The following TMEM269 variants were observed in gnomAD, a reference collection of about 807,000 sequenced individuals.
TMEM269 encodes the protein transmembrane protein 269.
Under a neutral mutation model 15.8 loss-of-function variants are expected in TMEM269, and 12 were observed. That is an observed-to-expected ratio of 0.76 (90% CI 0.49 to 1.23). The LOEUF is 1.23. Among genes scored for constraint, TMEM269 ranks in the 50% most tolerant of loss-of-function variants. TMEM269 has a pLI of 0.00. For missense variants in TMEM269, 211 were observed against 245.4 expected, an observed-to-expected ratio of 0.86 and a Z score of 0.94; for synonymous variants, 93 against 99.3, an observed-to-expected ratio of 0.94 and a Z score of 0.38.
At position 42,797,018 on chromosome 1, in the gene TMEM269, T is replaced by A. The variant is rs182560469; in HGVS notation, c.485-1080T>A. On this transcript the variant is annotated intron_variant, in intron 5 of 5. Transcript: ENST00000637012. The surrounding 1 kb of genome is among the most constrained non-coding windows in gnomAD (Gnocchi z 4.9). Reference sequence around the variant, plus strand: ...ACCTCGTACAGGTTACTTCTGTTTCTTCTTATGAAAAACAGACTTAGTTCT... The same window carrying A: ...ACCTCGTACAGGTTACTTCTGTTTCATCTTATGAAAAACAGACTTAGTTCT... Among the ~76,000 whole-genome samples the A allele has an allele frequency of 3.2e-4, 49 of 152,234 alleles. No homozygotes were observed. The highest frequency in any genetic ancestry group is 1.2e-3 in the African/African-American group (48 of 41,544).
intron 1 of TMEM269, chr1:42,789,341 G>T: frequency 9.1e-7 from 1 of 1,096,744 alleles, no homozygotes; most frequent in Non-Finnish European, 1.3e-6. Context: ...TGCTTCAGAA[G>T]GAGTGAACTT....
chr1:42,798,013 G>T (rs1653817580), intron 5 of TMEM269, 85 bp from the exon 6 acceptor site: 1 of 1,454,310 alleles, frequency 6.9e-7, no homozygotes. Context: ...TAAAGAATGG[G>T]AGGGTGGGGA....
chr1:42,795,075 G>C (rs1033135442), intron 5 of TMEM269, among the ~76,000 whole-genome samples: 32 of 152,308 alleles, frequency 2.1e-4, no homozygotes, highest in African/African-American at 7.5e-4. Flanking sequence ...TGTAAGTGCA[G>C]GGTGCTCTGA....
At chr1:42,789,207 G>A (rs1305316694) in intron 1 of TMEM269, 4 of 553,284 alleles carry the variant, frequency 7.2e-6, no homozygotes, top group Middle Eastern at 4.8e-4. Context: ...ACAGGCATGA[G>A]CCACCGTGTC....
At chr1:42,795,519 A>T (rs893337651) in intron 5 of TMEM269, among the ~76,000 whole-genome samples, 2 of 152,206 alleles carry the variant, frequency 1.3e-5, no homozygotes, top group African/African-American at 4.8e-5. Context: ...ATGAGAGGTG[A>T]TGGTGGCAGT....
rs1044488827 is a variant in TMEM269 at position 42,798,580 on chromosome 1, T to C, written c.*355T>C. 1.7e-5 allele frequency: 4 copies of C among 242,328 alleles called. No individual in the cohort carries two copies. The highest frequency in any genetic ancestry group is 4.8e-5 in the Admixed American group (1 of 20,780). The allele number at this position is 242,328 out of a possible 1,614,324, so 15.0% of individuals were successfully genotyped here. On this transcript the variant is annotated 3_prime_UTR_variant, in exon 6 of 6. Coordinates refer to ENST00000637012, the MANE Select transcript of TMEM269 (RefSeq NM_001354602.2). The stretch of plus-strand genomic sequence containing the variant: ...GGAAAGGAGTGAGAGCCTTCAGAAC[T>C]GGTATTGGCCTCAGCCTCAGCCCTG...
In TMEM269 at chr1:42,797,785, A is replaced by G. The variant is rs760919115; in HGVS notation, c.485-313A>G. 9.5e-5 allele frequency: 50 copies of G among 524,528 alleles called. No individual in the cohort carries two copies. The highest frequency in any genetic ancestry group is 9.2e-4 in the African/African-American group (48 of 52,120). 32.5% of individuals were successfully genotyped at this position (524,528 alleles called of 1,614,324 possible). ...TGAGGAAGATTTTTTTTTCCTAACA[A>G]GGGTTTTTGGTTTTTGTCTTGGTTT... On this transcript the variant is annotated intron_variant, in intron 5 of 5. Coordinates refer to ENST00000637012, the MANE Select transcript of TMEM269 (RefSeq NM_001354602.2). The surrounding 1 kb of genome is among the most constrained non-coding windows in gnomAD (Gnocchi z 4.9).
At position 42,785,093 on chromosome 1, in the gene TMEM269, G is replaced by A. The variant is rs1456019408; in HGVS notation, c.-99+11G>A. 6 of 152,344 alleles carry A rather than the reference G, an allele frequency of 3.9e-5. No individual in the cohort carries two copies. The highest frequency in any genetic ancestry group is 7.3e-5 in the Non-Finnish European group (5 of 68,186). 9.4% of individuals were successfully genotyped at this position (152,344 alleles called of 1,614,324 possible). A position where few individuals can be genotyped will look rare whatever the true frequency, so the allele number is the denominator to read the frequency against. The stretch of plus-strand genomic sequence containing the variant: ...AGGGTGAGCCCTCAGGTGAGCCTCC[G>A]CGGCCGCGTGGAAGGGGCGAGAAGG... On this transcript the variant is annotated intron_variant, in intron 1 of 5. Coordinates refer to ENST00000637012, the MANE Select transcript of TMEM269 (RefSeq NM_001354602.2).
At chr1:42,795,157 T>G (rs1653770689) in intron 5 of TMEM269, among the ~76,000 whole-genome samples, 1 of 152,074 alleles carries the variant, frequency 6.6e-6, no homozygotes, top group Admixed American at 6.6e-5. Flanking sequence ...CAGGTGTCAT[T>G]TAAGTGAGAC....
rs150806533 is a variant in TMEM269 at position 42,795,100 on chromosome 1, C to T, written c.484+487C>T. On this transcript the variant is annotated intron_variant, in intron 5 of 5. Transcript: ENST00000637012. Reference sequence around the variant, plus strand: ...GGGTGCTCTGAGTGTCAGAGGGTGACCTACTTCAGGCTGGCATGATCTGAA... The same window carrying T: ...GGGTGCTCTGAGTGTCAGAGGGTGATCTACTTCAGGCTGGCATGATCTGAA... Among the ~76,000 whole-genome samples the T allele has an allele frequency of 1.3e-3, 191 of 152,222 alleles. 1 individual carries two copies. Among genetic ancestry groups the T allele is most frequent in the Middle Eastern group, 6.8e-3 (2 of 294 alleles).
At chr1:42,795,634 A>C (rs1325092662) in intron 5 of TMEM269, among the ~76,000 whole-genome samples, 1 of 152,206 alleles carries the variant, frequency 6.6e-6, no homozygotes, top group African/African-American at 2.4e-5. Context: ...GGTTTGAAGT[A>C]ACTGAGCACT....
At chr1:42,789,171 C>T in intron 1 of TMEM269, 1 of 475,708 alleles carries the variant, frequency 2.1e-6, no homozygotes, top group South Asian at 2.9e-5. Flanking sequence ...GATCCACTTG[C>T]CTCAGCCTCC....
At chr1:42,785,364 C>A (rs1024061045) in intron 1 of TMEM269, among the ~76,000 whole-genome samples, 8 of 152,162 alleles carry the variant, frequency 5.3e-5, no homozygotes, top group African/African-American at 1.9e-4. Context: ...GTGTCGCCGG[C>A]TGGAGAGCTC....
chr1:42,794,497 G>A lies in TMEM269; in HGVS notation c.368G>A (p.Arg123Lys), dbSNP rs1015576683. The A allele has an allele frequency of 3.2e-6, 5 of 1,550,590 alleles. No homozygotes were observed. The African/African-American group carries it at 6.8e-5, about 21-fold the overall frequency. Residue 123 changes from arginine (R) to lysine (K), a missense_variant, in exon 5 of 6, where the codon AGG (arginine) becomes AAG (lysine). Physicochemically the swap from Arg to Lys is conservative, Grantham distance 26 (BLOSUM62 2). Coordinates refer to ENST00000637012, the MANE Select transcript of TMEM269 (RefSeq NM_001354602.2). Reference protein sequence around the residue: ...ASTSLLTKGNRFILCCMASLM... With the variant: ...ASTSLLTKGNKFILCCMASLM... ...ACCTCCCTTCTGACCAAAGGCAACA[G>A]GTTCATCCTCTGCTGCATGGCCTCA... is the stretch of plus-strand genomic sequence containing the variant.
At chr1:42,789,668 C>A in intron 1 of TMEM269, 128 bp from the exon 2 acceptor site, 1 of 810,838 alleles carries the variant, frequency 1.2e-6, no homozygotes, top group African/African-American at 1.7e-5. Flanking sequence ...CTCCCTTAGT[C>A]CAGCCAGTGA....
In TMEM269 at chr1:42,797,660, A is replaced by G. The variant is rs919407614; in HGVS notation, c.485-438A>G. On this transcript the variant is annotated intron_variant, in intron 5 of 5. Transcript: ENST00000637012. The surrounding 1 kb of genome is among the most constrained non-coding windows in gnomAD (Gnocchi z 4.9). ...TCAGCCAAGGGCCAGCCTTGCAAGAAGGCCTTTCTGAGGATAGCAGTCTCA... is the reference window on the plus strand; with the variant it reads ...TCAGCCAAGGGCCAGCCTTGCAAGAGGGCCTTTCTGAGGATAGCAGTCTCA... 1.3e-5 allele frequency among the ~76,000 whole-genome samples: 2 copies of G among 152,228 alleles called. No homozygotes were observed. Among genetic ancestry groups the G allele is most frequent in the Admixed American group, 6.5e-5 (1 of 15,280 alleles).
At chr1:42,792,739 G>T in intron 2 of TMEM269, 66 bp from the exon 3 acceptor site, 1 of 923,778 alleles carries the variant, frequency 1.1e-6, no homozygotes. Flanking sequence ...ATGGGGGGCA[G>T]GGGAGAGTCT....
In TMEM269 at chr1:42,794,494, A is replaced by C. The variant is rs1005535664; in HGVS notation, c.365A>C (p.Asn122Thr). The change falls in exon 5 of 6, where the codon AAC (asparagine) becomes ACC (threonine). Residue 122 changes from asparagine to threonine, a missense_variant. Asn to Thr is a moderately conservative substitution (Grantham distance 65, BLOSUM62 0). Coordinates refer to ENST00000637012, the MANE Select transcript of TMEM269 (RefSeq NM_001354602.2). ...LASTSLLTKG[N>T]RFILCCMASL... ...TCCACCTCCCTTCTGACCAAAGGCA[A>C]CAGGTTCATCCTCTGCTGCATGGCC... 4.5e-6 allele frequency: 7 copies of C among 1,550,650 alleles called. No individual in the cohort carries two copies. The African/African-American group carries it at 8.2e-5, about 18-fold the overall frequency.
Position 42,792,795 on chromosome 1 carries a change from T to C in TMEM269, c.42-10T>C. 1 of 1,545,600 alleles carries C rather than the reference T, an allele frequency of 6.5e-7. No homozygotes were observed. On this transcript the variant is annotated splice_polypyrimidine_tract_variant and intron_variant, in intron 2 of 5. Coordinates refer to ENST00000637012, the MANE Select transcript of TMEM269 (RefSeq NM_001354602.2). ...GCTTCCCTGTTTGGGCTTGCTGGCC[T>C]GCACTTTAGGAAATGCCACTATGCC... is the stretch of plus-strand genomic sequence containing the variant.
Sources: allele counts gnomAD v4.1 joint callset (sites outside exome capture counted in the v4.1 genomes callset), GRCh38; gene constraint gnomAD v4.1.1; non-coding constraint Gnocchi (gnomAD v3.1); transcripts MANE v1.5; gene names NCBI Gene and HGNC (gene_info 2026-07-23, HGNC 2026-07-21).